Variants in IMMT observed in about 807,000 individuals in gnomAD.
IMMT encodes the protein MICOS complex subunit MIC60.
IMMT carries 40 observed loss-of-function variants against 92.7 expected under a neutral mutation model. That is an observed-to-expected ratio of 0.43 (90% CI 0.34 to 0.56). The LOEUF (loss-of-function observed/expected upper bound fraction) is 0.56. Among genes scored for constraint, IMMT ranks in the 20% least tolerant of loss-of-function variants. IMMT has a pLI of 0.03. For synonymous variants in IMMT, 322 were observed against 336.1 expected (o/e 0.96, Z 0.46); for missense variants, 831 against 912.1 (o/e 0.91, Z 1.14).
Position 86,181,374 on chromosome 2 carries a change from T to C in IMMT, c.46-2A>G. On this transcript the variant is annotated splice_acceptor_variant, in intron 1 of 14. Transcript: ENST00000410111. LOFTEE classifies it high-confidence loss of function. ...GACAAACTTCCCACAGAGACAACTC[T>C]AAAGAAGGAAAACACATCACAACCA... 1 of 1,611,560 alleles carries C rather than the reference T, an allele frequency of 6.2e-7. No homozygotes were observed. The highest frequency in any genetic ancestry group is 8.5e-7 in the Non-Finnish European group (1 of 1,177,882).
chr2:86,165,300 C>G (rs1233346833), intron 7 of IMMT, among the ~76,000 whole-genome samples: 1 of 152,224 alleles, frequency 6.6e-6, no homozygotes, highest in African/African-American at 2.4e-5. Context: ...AACTTCTAGC[C>G]TTCCCATATC....
intron 10 of IMMT, among the ~76,000 whole-genome samples, chr2:86,157,792 A>G (rs1234303482): frequency 7.8e-6 from 1 of 127,636 alleles, no homozygotes; most frequent in African/African-American, 2.7e-5. Context: ...TTGTCTCAAA[A>G]AAAAAAAAAA....
chr2:86,158,560 C>CAAA, intron 10 of IMMT, 32 bp downstream of exon 10: 2 of 623,156 alleles, frequency 3.2e-6, no homozygotes, highest in Non-Finnish European at 4.5e-6. Context: ...GTTAAAACAT[C>CAAA]AAAAAAAAAA....
At chr2:86,190,814 C>T (rs1673068955) in intron 1 of IMMT, among the ~76,000 whole-genome samples, 1 of 152,062 alleles carries the variant, frequency 6.6e-6, no homozygotes, top group South Asian at 2.1e-4. Context: ...ATGGTGAAAC[C>T]CTGTCTCTAC....
rs1253082810 is a variant in IMMT at position 86,144,190 on chromosome 2, T to A, written c.*78A>T. The stretch of plus-strand genomic sequence containing the variant: ...GCTCATTTCTAGACAAGTCCGGGAC[T>A]CTCGCTGCGAACCCTTCATCTATCA... On this transcript the variant is annotated 3_prime_UTR_variant, in exon 15 of 15. Transcript: ENST00000410111. 3 of 1,510,254 alleles carry A rather than the reference T, an allele frequency of 2.0e-6. No homozygotes were observed. Among genetic ancestry groups the A allele is most frequent in the African/African-American group, 1.4e-5 (1 of 72,882 alleles). The allele number at this position is 1,510,254 out of a possible 1,614,324, so 93.6% of individuals were successfully genotyped here.
intron 3 of IMMT, among the ~76,000 whole-genome samples, chr2:86,178,553 G>A (rs557116810): frequency 6.6e-6 from 1 of 151,520 alleles, no homozygotes; most frequent in African/African-American, 2.4e-5. Context: ...TTGAACCCAG[G>A]AGGCGGAAGT....
At chr2:86,165,375 T>C (rs1423995281) in intron 7 of IMMT, among the ~76,000 whole-genome samples, 2 of 152,210 alleles carry the variant, frequency 1.3e-5, no homozygotes, top group Admixed American at 6.5e-5. Context: ...GATATTTAAG[T>C]ATTTTTCTTG....
intron 7 of IMMT, among the ~76,000 whole-genome samples, chr2:86,165,542 T>A (rs9917140): frequency 0.46 from 69,859 of 151,982 alleles, 16,605 homozygotes; most frequent in Non-Finnish European, 0.51. Context: ...ACAATTATGA[T>A]GGCAAAGTAA....
intron 4 of IMMT, 35 bp downstream of exon 4, chr2:86,173,615 T>A: frequency 1.2e-5 from 13 of 1,109,878 alleles, no homozygotes; most frequent in Non-Finnish European, 1.6e-5. Flanking sequence ...GAGATTTACC[T>A]ATAATTTTAA....
At chr2:86,168,845 A>G (rs1422677370) in intron 6 of IMMT, among the ~76,000 whole-genome samples, 1 of 152,200 alleles carries the variant, frequency 6.6e-6, no homozygotes, top group Admixed American at 6.5e-5. Context: ...AAATGAGAGC[A>G]GGGGATACAA....
intron 5 of IMMT, among the ~76,000 whole-genome samples, 155 bp from the exon 6 acceptor site, chr2:86,170,999 G>A (rs1294378386): frequency 1.3e-5 from 2 of 152,176 alleles, no homozygotes; most frequent in South Asian, 2.1e-4. Flanking sequence ...TACTCTTAAT[G>A]ATTCCAAAAT....
chr2:86,157,799 A>G lies in IMMT; in HGVS notation c.1162+793T>C, dbSNP rs897000553. On this transcript the variant is annotated intron_variant, in intron 10 of 14. Transcript: ENST00000410111. ...GTAAAACTTTGTCTCAAAAAAAAAA[A>G]AAAAGAAAAAAAAAAAAAGGTACAA... Among the ~76,000 whole-genome samples, 175 of 131,778 alleles carry G rather than the reference A, an allele frequency of 1.3e-3. 1 individual carries two copies. Among genetic ancestry groups the G allele is most frequent in the Admixed American group, 2.6e-3 (33 of 12,932 alleles). The allele number at this position is 131,778 out of a possible 152,430, so 86.5% of individuals were successfully genotyped here.
intron 12 of IMMT, among the ~76,000 whole-genome samples, chr2:86,149,436 C>T (rs1296253147): frequency 3.9e-5 from 6 of 152,122 alleles, no homozygotes. Context: ...AATGGGTAGT[C>T]CATGGAGGAT....
At chr2:86,172,357 T>C (rs1022388862) in intron 4 of IMMT, among the ~76,000 whole-genome samples, 2 of 151,854 alleles carry the variant, frequency 1.3e-5, no homozygotes, top group Non-Finnish European at 2.9e-5. Flanking sequence ...TGTTTTTTTT[T>C]GTTTGAGACA....
intron 5 of IMMT, 80 bp from the exon 6 acceptor site, chr2:86,170,924 G>T: frequency 1.8e-6 from 2 of 1,089,752 alleles, no homozygotes; most frequent in Non-Finnish European, 2.7e-6. Flanking sequence ...AAAAAGCATC[G>T]TTTGTACTGG....
rs1173632959 is a variant in IMMT at position 86,179,520 on chromosome 2, A to G, written c.222T>C (p.Ser74=). 6.2e-7 allele frequency: 1 copy of G among 1,613,396 alleles called. No individual in the cohort carries two copies. The highest frequency in any genetic ancestry group is 8.5e-7 in the Non-Finnish European group (1 of 1,179,650). ...CTGAGTAAGGTATGGTTTTCTCTAC[A>G]CTTTCCCGGAAATGGGAATCCCATT... is the stretch of plus-strand genomic sequence containing the variant. ...YAKWDSHFRE[S]VEKTIPYSDK... Residue 74 remains serine, a synonymous_variant, in exon 3 of 15, where the codon AGT becomes AGC. Coordinates refer to ENST00000410111, the MANE Select transcript of IMMT (RefSeq NM_006839.3).
intron 4 of IMMT, among the ~76,000 whole-genome samples, chr2:86,171,955 G>GTA (rs544884954): frequency 2.1e-5 from 2 of 93,448 alleles, no homozygotes; most frequent in Admixed American, 1.0e-4. Flanking sequence ...TGTGTGTGTA[G>GTA]TATATTTTTT....
intron 7 of IMMT, among the ~76,000 whole-genome samples, chr2:86,165,227 A>T (rs3770066): frequency 0.078 from 11,840 of 152,196 alleles, 774 homozygotes; most frequent in East Asian, 0.22. Context: ...AAAGCTTCCA[A>T]TCCGTGTCCT....
intron 6 of IMMT, among the ~76,000 whole-genome samples, chr2:86,167,800 T>C (rs1558826515): frequency 1.3e-5 from 2 of 152,174 alleles, no homozygotes; most frequent in Non-Finnish European, 2.9e-5. Flanking sequence ...CTTTTCTGTA[T>C]ATCTAAACTT....
Sources: gnomAD v4.1 joint callset for allele counts (sites outside exome capture counted in the v4.1 genomes callset) on GRCh38, gnomAD v4.1.1 for gene constraint, MANE v1.5 for transcripts, NCBI Gene and HGNC (gene_info 2026-07-23, HGNC 2026-07-21) for gene names.